Variants in SLC16A12 observed in about 807,000 individuals in gnomAD.
SLC16A12 encodes the protein solute carrier family 16 member 12.
In SLC16A12, 17 loss-of-function variants were observed where a neutral mutation model predicts 42.4. That is an observed-to-expected ratio of 0.40 (90% CI 0.27 to 0.60). The LOEUF (loss-of-function observed/expected upper bound fraction) is 0.60, where lower values mean the gene tolerates loss of function less well. SLC16A12 is among the 20% of genes least tolerant of loss of function. SLC16A12 has a pLI of 0.42. For missense variants in SLC16A12, 544 were observed against 623.0 expected, an observed-to-expected ratio of 0.87 and a Z score of 1.35; for synonymous variants, 224 against 229.4, an observed-to-expected ratio of 0.98 and a Z score of 0.21.
intron 4 of SLC16A12, among the ~76,000 whole-genome samples, chr10:89,442,169 A>C (rs929472227): frequency 1.3e-5 from 2 of 152,174 alleles, no homozygotes; most frequent in African/African-American, 4.8e-5. Flanking sequence ...TCAGACTGAA[A>C]TTGGGGGTCA....
chr10:89,546,694 A>G (rs979996626), intron 2 of SLC16A12, among the ~76,000 whole-genome samples: 1 of 152,182 alleles, frequency 6.6e-6, no homozygotes, highest in African/African-American at 2.4e-5. Flanking sequence ...TATATACCCA[A>G]AGGAATATTA....
chr10:89,466,689 A>G (rs972267285), intron 2 of SLC16A12, among the ~76,000 whole-genome samples: 6 of 152,228 alleles, frequency 3.9e-5, no homozygotes, highest in Admixed American at 6.5e-5. Flanking sequence ...TGTGGCAGCC[A>G]TGAGATGGAG....
intron 2 of SLC16A12, among the ~76,000 whole-genome samples, chr10:89,487,835 T>C (rs1011428181): frequency 8.5e-5 from 11 of 129,332 alleles, no homozygotes; most frequent in African/African-American, 3.2e-4. Context: ...AAAAAGGAAG[T>C]GTTATTTCTC....
At chr10:89,434,386 C>T (rs1005574831) in intron 7 of SLC16A12, among the ~76,000 whole-genome samples, 4 of 152,154 alleles carry the variant, frequency 2.6e-5, no homozygotes, top group Non-Finnish European at 4.4e-5. Flanking sequence ...GTCCTGTGAC[C>T]TTTGATAGAA....
intron 2 of SLC16A12, among the ~76,000 whole-genome samples, chr10:89,524,292 C>T: frequency 6.6e-6 from 1 of 152,188 alleles, no homozygotes; most frequent in East Asian, 1.9e-4. Flanking sequence ...TCCCCACTCC[C>T]ACCCACTCCC....
chr10:89,448,481 T>C (rs987341329), intron 3 of SLC16A12, among the ~76,000 whole-genome samples: 3 of 152,070 alleles, frequency 2.0e-5, no homozygotes, highest in Admixed American at 2.0e-4. Flanking sequence ...TAATCCACCA[T>C]ATAAACAGGA....
intron 1 of SLC16A12, among the ~76,000 whole-genome samples, 180 bp downstream of exon 1, chr10:89,535,262 A>G (rs1843634990): frequency 6.6e-6 from 1 of 152,072 alleles, no homozygotes; most frequent in South Asian, 2.1e-4. Context: ...GCAAGTGAGC[A>G]CGTGTCTCCC....
intron 3 of SLC16A12, among the ~76,000 whole-genome samples, chr10:89,455,336 T>G (rs1842171720): frequency 6.6e-6 from 1 of 152,170 alleles, no homozygotes; most frequent in Non-Finnish European, 1.5e-5. Context: ...CCCTTGTCAC[T>G]TTTTTTAAAG....
intron 2 of SLC16A12, among the ~76,000 whole-genome samples, chr10:89,470,832 A>G (rs1383031433): frequency 6.6e-6 from 1 of 152,178 alleles, no homozygotes; most frequent in East Asian, 1.9e-4. Context: ...AGTAACCAAT[A>G]CTAGGAAAAC....
At chr10:89,480,968 CTG>C (rs1215580899) in intron 2 of SLC16A12, among the ~76,000 whole-genome samples, 2 of 152,130 alleles carry the variant, frequency 1.3e-5, no homozygotes, top group Non-Finnish European at 2.9e-5. Flanking sequence ...TACTAAATAT[CTG>C]TGTCTACGTT....
chr10:89,445,222 A>G (rs1841980517), intron 3 of SLC16A12, among the ~76,000 whole-genome samples: 1 of 152,220 alleles, frequency 6.6e-6, no homozygotes, highest in Non-Finnish European at 1.5e-5. Flanking sequence ...CTCTGAAGAG[A>G]GCAGTGGTTC....
At chr10:89,446,804 C>G (rs1842009918) in intron 3 of SLC16A12, among the ~76,000 whole-genome samples, 1 of 152,124 alleles carries the variant, frequency 6.6e-6, no homozygotes, top group African/African-American at 2.4e-5. Flanking sequence ...TTAAAAGACA[C>G]AGACTAGCCA....
intron 2 of SLC16A12, among the ~76,000 whole-genome samples, chr10:89,554,040 GAAA>G (rs1843787659): frequency 4.4e-5 from 2 of 45,430 alleles, no homozygotes; most frequent in African/African-American, 9.6e-5. Flanking sequence ...AAGGAAGAAA[GAAA>G]GAAAGAAAGA....
chr10:89,538,882 C>G (rs1341211387), upstream of SLC16A12, among the ~76,000 whole-genome samples: 1 of 152,084 alleles, frequency 6.6e-6, no homozygotes, highest in Non-Finnish European at 1.5e-5. Context: ...TCCAGTTTAT[C>G]AAAGAACCCG....
At chr10:89,486,749 T>C (rs1842762242) in intron 2 of SLC16A12, among the ~76,000 whole-genome samples, 1 of 145,922 alleles carries the variant, frequency 6.9e-6, no homozygotes, top group Non-Finnish European at 1.5e-5. Context: ...TAGAAATAAG[T>C]ATAGAAATAA....
At chr10:89,444,681 C>T (rs899341909) in intron 3 of SLC16A12, among the ~76,000 whole-genome samples, 4 of 152,268 alleles carry the variant, frequency 2.6e-5, no homozygotes, top group South Asian at 2.1e-4. Flanking sequence ...CAGCTCCCAG[C>T]GTGATTGATG....
chr10:89,471,333 T>G (rs1053390065), intron 2 of SLC16A12, among the ~76,000 whole-genome samples: 1 of 152,214 alleles, frequency 6.6e-6, no homozygotes, highest in Admixed American at 6.5e-5. Context: ...CAATATAGAT[T>G]GCTTTCTGTC....
At chr10:89,453,206 C>A (rs1842124151) in intron 3 of SLC16A12, among the ~76,000 whole-genome samples, 1 of 152,176 alleles carries the variant, frequency 6.6e-6, no homozygotes, top group Admixed American at 6.5e-5. Context: ...AGAATGGTAA[C>A]ATAAACTGCC....
upstream of SLC16A12, among the ~76,000 whole-genome samples, chr10:89,536,576 C>G (rs1843666101): frequency 6.6e-6 from 1 of 152,026 alleles, no homozygotes; most frequent in South Asian, 2.1e-4. Flanking sequence ...AGGACAGGTT[C>G]CAGGCGAACT....
Sources: allele counts gnomAD v4.1 joint callset (sites outside exome capture counted in the v4.1 genomes callset), GRCh38; gene constraint gnomAD v4.1.1; transcripts MANE v1.5; gene names NCBI Gene and HGNC (gene_info 2026-07-23, HGNC 2026-07-21).